GABBR2: variants seen among roughly 807,000 people sequenced by gnomAD.
GABBR2 encodes the protein G-protein coupled receptor 51.
Under a neutral mutation model 105.6 loss-of-function variants are expected in GABBR2, and 23 were observed. That is an observed-to-expected ratio of 0.22 (90% CI 0.16 to 0.31). The LOEUF (loss-of-function observed/expected upper bound fraction) is 0.31. GABBR2 is among the 10% of genes least tolerant of loss of function. The pLI is 1.00. For synonymous variants in GABBR2, 478 were observed against 499.7 expected, an observed-to-expected ratio of 0.96 and a Z score of 0.58; for missense variants, 734 against 1,245.5, an observed-to-expected ratio of 0.59 and a Z score of 6.18.
intron 13 of GABBR2, among the ~76,000 whole-genome samples, chr9:98,329,853 T>C (rs1290914637): frequency 6.6e-6 from 1 of 151,690 alleles, no homozygotes; most frequent in Admixed American, 6.6e-5. Flanking sequence ...CTCCTCTCCT[T>C]TTCTTCTTCT....
chr9:98,325,027 T>G (rs1481270965), intron 13 of GABBR2, among the ~76,000 whole-genome samples: 2 of 152,162 alleles, frequency 1.3e-5, no homozygotes, highest in African/African-American at 4.8e-5. Context: ...TTGAAGAGAC[T>G]CAAGTGTCTT....
intron 7 of GABBR2, among the ~76,000 whole-genome samples, chr9:98,436,816 G>T (rs866914834): frequency 3.3e-5 from 5 of 152,138 alleles, no homozygotes; most frequent in Admixed American, 1.3e-4. Flanking sequence ...TGTCACAGAG[G>T]ATGTGTGATG....
chr9:98,566,391 G>T (rs970611591), intron 2 of GABBR2, among the ~76,000 whole-genome samples: 4 of 152,216 alleles, frequency 2.6e-5, no homozygotes, highest in African/African-American at 9.6e-5. Flanking sequence ...GAATAATATT[G>T]ATGGCTGGGT....
Position 98,388,829 on chromosome 9 carries a change from A to C in GABBR2, c.1529+25T>G. On this transcript the variant is annotated intron_variant, in intron 10 of 18. Coordinates refer to ENST00000259455, the MANE Select transcript of GABBR2 (RefSeq NM_005458.8). The surrounding 1 kb of genome is among the most constrained non-coding windows in gnomAD (Gnocchi z 4.4). ...GCTTGTCAATTTAGAAAGTGATATC[A>C]CAGAGGAGGACCAGGGTGGCTTACT... 6.3e-7 allele frequency: 1 copy of C among 1,596,762 alleles called. No individual in the cohort carries two copies. The highest frequency in any genetic ancestry group is 8.6e-7 in the Non-Finnish European group (1 of 1,167,206).
intron 7 of GABBR2, among the ~76,000 whole-genome samples, chr9:98,437,894 C>A (rs188238890): frequency 1.3e-5 from 2 of 151,762 alleles, no homozygotes; most frequent in Admixed American, 6.6e-5. Flanking sequence ...CCTATCCATC[C>A]ATCCACCTAC....
At chr9:98,609,051 ATTC>A (rs1336195286) in intron 1 of GABBR2, among the ~76,000 whole-genome samples, 4 of 152,198 alleles carry the variant, frequency 2.6e-5, no homozygotes, top group Non-Finnish European at 4.4e-5. Flanking sequence ...AAAAGTCACC[ATTC>A]TGCATTTAGC....
At chr9:98,701,520 C>T (rs1302669856) in intron 1 of GABBR2, among the ~76,000 whole-genome samples, 3 of 152,150 alleles carry the variant, frequency 2.0e-5, no homozygotes, top group Non-Finnish European at 2.9e-5. Context: ...AGGGACAAGA[C>T]CAACCATCCC....
intron 2 of GABBR2, among the ~76,000 whole-genome samples, chr9:98,554,560 A>G (rs1828553300): frequency 6.6e-6 from 1 of 152,198 alleles, no homozygotes; most frequent in Non-Finnish European, 1.5e-5. Flanking sequence ...TATCAAATAG[A>G]AACTACATAC....
At chr9:98,502,484 G>A (rs535082705) in intron 3 of GABBR2, among the ~76,000 whole-genome samples, 276 of 152,222 alleles carry the variant, frequency 1.8e-3, no homozygotes, top group South Asian at 9.5e-3. Context: ...ATGACCCACC[G>A]CTTCAGTGTG....
At chr9:98,448,681 G>A (rs1239943377) in intron 7 of GABBR2, among the ~76,000 whole-genome samples, 1 of 152,118 alleles carries the variant, frequency 6.6e-6, no homozygotes, top group Non-Finnish European at 1.5e-5. Flanking sequence ...GCCTCCCAAA[G>A]TACTAGGATT....
intron 4 of GABBR2, among the ~76,000 whole-genome samples, chr9:98,491,984 C>T (rs1199152581): frequency 1.3e-5 from 2 of 152,052 alleles, no homozygotes; most frequent in Non-Finnish European, 2.9e-5. Flanking sequence ...GCTGGAACAT[C>T]GTGTGAGCCC....
intron 1 of GABBR2, among the ~76,000 whole-genome samples, chr9:98,637,772 C>G (rs569752070): frequency 6.6e-6 from 1 of 152,166 alleles, no homozygotes; most frequent in African/African-American, 2.4e-5. Flanking sequence ...TCTGCTGACA[C>G]CCGGATGTTA....
chr9:98,705,914 T>C (rs1185565530), intron 1 of GABBR2, among the ~76,000 whole-genome samples: 1 of 151,700 alleles, frequency 6.6e-6, no homozygotes, highest in East Asian at 1.9e-4. Flanking sequence ...CCATCTCTAC[T>C]AAAAATACAA....
chr9:98,481,000 G>T lies in GABBR2; in HGVS notation c.733-3C>A. On this transcript the variant is annotated splice_region_variant and splice_polypyrimidine_tract_variant and intron_variant, in intron 4 of 18. Transcript: ENST00000259455. ...AGGATGATCCGCACATCATTCCCCTGTGGATGGAAGGACACATCATGAAGG... is the reference window on the plus strand; with the variant it reads ...AGGATGATCCGCACATCATTCCCCTTTGGATGGAAGGACACATCATGAAGG... 1 of 1,587,060 alleles carries T rather than the reference G, an allele frequency of 6.3e-7. No individual in the cohort carries two copies. The highest frequency in any genetic ancestry group is 8.7e-7 in the Non-Finnish European group (1 of 1,155,396).
intron 3 of GABBR2, among the ~76,000 whole-genome samples, chr9:98,513,665 A>C (rs1827699839): frequency 6.6e-6 from 1 of 152,256 alleles, no homozygotes; most frequent in Non-Finnish European, 1.5e-5. Context: ...AATGCTCATC[A>C]TCACTGGCCA....
chr9:98,535,990 G>A (rs1041463321), intron 3 of GABBR2, among the ~76,000 whole-genome samples: 2 of 152,086 alleles, frequency 1.3e-5, no homozygotes, highest in African/African-American at 2.4e-5. Flanking sequence ...TCTGGGTGAT[G>A]ATGCCCTGTC....
At position 98,473,255 on chromosome 9, in the gene GABBR2, G is replaced by T; in HGVS notation, c.890C>A (p.Ala297Asp). The part of the protein sequence containing the change: ...PSWWEQVHTE[A>D]NSSRCLRKNL... ...CTTCCGGAGGCAGCGGGATGAGTTG[G>T]CTTCCGTGTGCACCTGCTCCCACCA... Residue 297 changes from alanine to aspartate, a missense_variant, in exon 6 of 19, where the codon GCC (alanine) becomes GAC (aspartate). Physicochemically the swap from Ala to Asp is moderately radical, Grantham distance 126. Coordinates refer to ENST00000259455, the MANE Select transcript of GABBR2 (RefSeq NM_005458.8). The T allele has an allele frequency of 6.2e-7, 1 of 1,613,442 alleles. No individual in the cohort carries two copies. Among genetic ancestry groups the T allele is most frequent in the Non-Finnish European group, 8.5e-7 (1 of 1,179,638 alleles).
chr9:98,607,895 A>C (rs1001138256), intron 1 of GABBR2: 2 of 1,436,022 alleles, frequency 1.4e-6, no homozygotes, highest in African/African-American at 1.4e-5. Flanking sequence ...CTGGAGATGG[A>C]GCAGGTGTTT....
chr9:98,580,642 G>C (rs995922744), intron 1 of GABBR2, among the ~76,000 whole-genome samples: 2 of 152,090 alleles, frequency 1.3e-5, no homozygotes, highest in African/African-American at 2.4e-5. Context: ...ACAAAAATTA[G>C]CCAGGCATGG....
Sources: gnomAD v4.1 joint callset for allele counts (sites outside exome capture counted in the v4.1 genomes callset) on GRCh38, gnomAD v4.1.1 for gene constraint, Gnocchi (gnomAD v3.1) non-coding constraint, MANE v1.5 for transcripts, NCBI Gene and HGNC (gene_info 2026-07-23, HGNC 2026-07-21) for gene names.